KATNIP: variants seen among roughly 807,000 people sequenced by gnomAD.
KATNIP encodes the protein katanin interacting protein, also known as katanin-interacting protein.
Under a neutral mutation model 174.0 loss-of-function variants are expected in KATNIP, and 126 were observed. The observed-to-expected ratio is 0.72, with a 90% CI of 0.63 to 0.84. The LOEUF (loss-of-function observed/expected upper bound fraction) is 0.84, where lower values mean the gene tolerates loss of function less well. Among genes scored for constraint, KATNIP ranks in the 40% least tolerant of loss-of-function variants. KATNIP has a pLI of 0.00. For synonymous variants in KATNIP, 810 were observed against 835.7 expected, an observed-to-expected ratio of 0.97 and a Z score of 0.53; for missense variants, 1,958 against 2,109.7, an observed-to-expected ratio of 0.93 and a Z score of 1.41.
At chr16:27,702,920 A>G (rs1477326073) in intron 11 of KATNIP, among the ~76,000 whole-genome samples, 1 of 152,174 alleles carries the variant, frequency 6.6e-6, no homozygotes, top group Non-Finnish European at 1.5e-5. Context: ...TAATCCCAGC[A>G]CTTACGGAGG....
intron 7 of KATNIP, among the ~76,000 whole-genome samples, chr16:27,679,967 T>A (rs1298201100): frequency 6.6e-6 from 1 of 152,090 alleles, no homozygotes; most frequent in Non-Finnish European, 1.5e-5. Flanking sequence ...CTCTCTGCTT[T>A]TCCCTCCAGA....
intron 13 of KATNIP, among the ~76,000 whole-genome samples, chr16:27,717,797 G>A (rs1186323832): frequency 6.6e-6 from 1 of 152,130 alleles, no homozygotes; most frequent in Non-Finnish European, 1.5e-5. Context: ...TCCATACAGA[G>A]AGAAATAGAA....
intron 5 of KATNIP, among the ~76,000 whole-genome samples, chr16:27,636,733 C>T (rs954324203): frequency 1.4e-4 from 21 of 151,196 alleles, no homozygotes; most frequent in Admixed American, 5.9e-4. Context: ...CTGAGCTGTG[C>T]ACCCCAGACC....
At chr16:27,569,144 A>G (rs920530453) in intron 1 of KATNIP, among the ~76,000 whole-genome samples, 1 of 152,220 alleles carries the variant, frequency 6.6e-6, no homozygotes, top group African/African-American at 2.4e-5. Flanking sequence ...TGTAGACTGT[A>G]CTTTACGGGT....
chr16:27,586,644 C>T (rs1378545885), intron 2 of KATNIP, among the ~76,000 whole-genome samples: 1 of 151,890 alleles, frequency 6.6e-6, no homozygotes, highest in Admixed American at 6.6e-5. Flanking sequence ...GCCTGGGCAA[C>T]ATGGCAAAAC....
chr16:27,739,953 T>C (rs1395551087), intron 14 of KATNIP, 88 bp from the exon 15 acceptor site: 1 of 1,397,706 alleles, frequency 7.2e-7, no homozygotes, highest in Non-Finnish European at 9.7e-7. Flanking sequence ...CACATTTTCT[T>C]TTCTTTTTTT....
intron 1 of KATNIP, among the ~76,000 whole-genome samples, chr16:27,564,704 G>C (rs1245371770): frequency 6.6e-6 from 1 of 152,074 alleles, no homozygotes; most frequent in Non-Finnish European, 1.5e-5. Context: ...AGGCACACGT[G>C]GGGAATGAAG....
At chr16:27,682,803 G>A (rs964965457) in intron 8 of KATNIP, among the ~76,000 whole-genome samples, 2 of 152,100 alleles carry the variant, frequency 1.3e-5, no homozygotes, top group Admixed American at 6.5e-5. Context: ...GATGTGAAGA[G>A]GTCATGAAGG....
At chr16:27,659,249 A>G (rs999184731) in intron 6 of KATNIP, among the ~76,000 whole-genome samples, 1 of 152,156 alleles carries the variant, frequency 6.6e-6, no homozygotes, top group African/African-American at 2.4e-5. Context: ...TCAGTGACTC[A>G]TGCCTGTAAT....
At chr16:27,766,780 C>T (rs925859252) in intron 20 of KATNIP, among the ~76,000 whole-genome samples, 2 of 152,138 alleles carry the variant, frequency 1.3e-5, no homozygotes, top group African/African-American at 2.4e-5. Context: ...CTTGAGTGCT[C>T]GGGTGGCCAG....
chr16:27,628,225 A>G (rs1368546158), intron 3 of KATNIP, among the ~76,000 whole-genome samples: 1 of 152,224 alleles, frequency 6.6e-6, no homozygotes, highest in East Asian at 1.9e-4. Flanking sequence ...CTCTCTCACA[A>G]AGCCTGAGAG....
At chr16:27,659,777 G>A (rs759125047) in intron 6 of KATNIP, among the ~76,000 whole-genome samples, 1 of 152,158 alleles carries the variant, frequency 6.6e-6, no homozygotes, top group Non-Finnish European at 1.5e-5. Context: ...TGAGGAATGG[G>A]AGGGAGTGTG....
chr16:27,690,907 A>G (rs980170164), intron 8 of KATNIP, among the ~76,000 whole-genome samples: 1 of 152,144 alleles, frequency 6.6e-6, no homozygotes, highest in Non-Finnish European at 1.5e-5. Context: ...ATTACTTTTC[A>G]GGAGATGCCA....
chr16:27,699,722 C>A (rs887743435), intron 10 of KATNIP, 123 bp downstream of exon 10: 1 of 1,283,326 alleles, frequency 7.8e-7, no homozygotes, highest in Non-Finnish European at 1.1e-6. Flanking sequence ...CTCCAGGGCG[C>A]TTTCCTTCAC....
chr16:27,677,196 A>G (rs2078150246), intron 6 of KATNIP, among the ~76,000 whole-genome samples: 1 of 152,226 alleles, frequency 6.6e-6, no homozygotes, highest in Admixed American at 6.5e-5. Flanking sequence ...AACACCCTGC[A>G]ATATGCAGGT....
At chr16:27,609,378 C>CTTTTTTT (rs35339029) in intron 2 of KATNIP, among the ~76,000 whole-genome samples, 4 of 55,634 alleles carry the variant, frequency 7.2e-5, no homozygotes, top group Non-Finnish European at 9.1e-5. Flanking sequence ...TGAGTTAAGT[C>CTTTTTTT]TTTTTTTTTT....
chr16:27,624,670 AT>A (rs768190188), intron 3 of KATNIP, among the ~76,000 whole-genome samples: 1 of 151,968 alleles, frequency 6.6e-6, no homozygotes, highest in Non-Finnish European at 1.5e-5. Flanking sequence ...AAATACAAAA[AT>A]TAGCCGGGTG....
intron 2 of KATNIP, among the ~76,000 whole-genome samples, chr16:27,601,607 C>T (rs774808677): frequency 1.7e-4 from 26 of 152,234 alleles, no homozygotes; most frequent in Non-Finnish European, 3.1e-4. Context: ...TGAGCCACTG[C>T]GCCCGGCCGG....
Position 27,668,572 on chromosome 16 carries a change from C to T in KATNIP, c.541-9157C>T, listed in dbSNP as rs539904126. Among the ~76,000 whole-genome samples, 104 of 152,324 alleles carry T rather than the reference C, an allele frequency of 6.8e-4. 1 individual carries two copies. The highest frequency in any genetic ancestry group is 2.4e-3 in the African/African-American group (99 of 41,568). On this transcript the variant is annotated intron_variant, in intron 6 of 27. Transcript: ENST00000261588. ...TGCGTCTTTATCAGCAGCGTGAAAA[C>T]GGACTAATACAGAGTCAGATGGTCA...
Sources: allele counts gnomAD v4.1 joint callset (sites outside exome capture counted in the v4.1 genomes callset), GRCh38; gene constraint gnomAD v4.1.1; transcripts MANE v1.5; gene names NCBI Gene and HGNC (gene_info 2026-07-23, HGNC 2026-07-21).